SLC2A9: variants seen among roughly 807,000 people sequenced by gnomAD.
The protein encoded by SLC2A9 is solute carrier family 2, facilitated glucose transporter member 9.
In SLC2A9, 39 loss-of-function variants were observed where a neutral mutation model predicts 50.6. That is an observed-to-expected ratio of 0.77 (90% CI 0.60 to 1.01). The LOEUF is 1.01. Ranked by LOEUF, SLC2A9 falls within the 50% of genes least tolerant of loss-of-function variation. The pLI is 0.00. For missense variants in SLC2A9, 686 were observed against 677.6 expected, an observed-to-expected ratio of 1.01 and a Z score of -0.14; for synonymous variants, 324 against 276.9, an observed-to-expected ratio of 1.17 and a Z score of -1.69.
chr4:10,009,097 C>T (rs1761326908), intron 2 of SLC2A9, among the ~76,000 whole-genome samples: 1 of 152,192 alleles, frequency 6.6e-6, no homozygotes. Flanking sequence ...CCTGTAATCT[C>T]AGCCCTCTTC....
chr4:9,967,124 G>A (rs1004536846), intron 5 of SLC2A9, among the ~76,000 whole-genome samples: 6 of 152,124 alleles, frequency 3.9e-5, no homozygotes, highest in African/African-American at 1.4e-4. Flanking sequence ...GATTGAAATT[G>A]TATTGAATGA....
At position 9,879,556 on chromosome 4, in the gene SLC2A9, G is replaced by T. The variant is rs994942253; in HGVS notation, c.1291+8011C>A. ...ACGCCCCTGCAGTCTTTCCAGAGGG[G>T]TCCTTTTTCCAAGCAAGGTATGTGC... On this transcript the variant is annotated intron_variant, in intron 10 of 11. Transcript: ENST00000264784. 5 of 985,250 alleles carry T rather than the reference G, an allele frequency of 5.1e-6. No individual in the cohort carries two copies. The African/African-American group carries it at 5.2e-5, about 10-fold the overall frequency. The allele number at this position is 985,250 out of a possible 1,614,324, so 61.0% of individuals were successfully genotyped here.
chr4:10,033,318 C>T (rs918658775), intron 1 of SLC2A9, among the ~76,000 whole-genome samples: 9 of 152,142 alleles, frequency 5.9e-5, no homozygotes, highest in African/African-American at 2.2e-4. Flanking sequence ...ATTGGAGGCT[C>T]ATCTATCTAC....
intron 8 of SLC2A9, among the ~76,000 whole-genome samples, chr4:9,907,331 G>A (rs192065305): frequency 1.2e-4 from 19 of 152,290 alleles, no homozygotes; most frequent in East Asian, 7.7e-4. Context: ...AAGAAGTGCC[G>A]GAGCCAGGAT....
chr4:9,945,325 G>T (rs2108799780), intron 5 of SLC2A9, among the ~76,000 whole-genome samples: 1 of 152,344 alleles, frequency 6.6e-6, no homozygotes, highest in Non-Finnish European at 1.5e-5. Context: ...GAGGATTTCT[G>T]TTGGGAGGAT....
At chr4:9,908,415 T>C in intron 7 of SLC2A9, 70 bp from the exon 8 acceptor site, 1 of 1,157,364 alleles carries the variant, frequency 8.6e-7, no homozygotes, top group Non-Finnish European at 1.3e-6. Flanking sequence ...CTAAATCAAA[T>C]TTGGGTATCA....
At chr4:9,911,270 T>G (rs1741732209) in intron 7 of SLC2A9, among the ~76,000 whole-genome samples, 2 of 152,150 alleles carry the variant, frequency 1.3e-5, no homozygotes, top group South Asian at 4.1e-4. Context: ...CCTGCCGGGC[T>G]GGCCCTGTCT....
chr4:9,894,967 T>A (rs944399122), intron 8 of SLC2A9, among the ~76,000 whole-genome samples: 1 of 152,228 alleles, frequency 6.6e-6, no homozygotes, highest in African/African-American at 2.4e-5. Context: ...AAGCTTATCA[T>A]GTGTTACATT....
At chr4:10,036,488 C>T (rs10012779) in intron 1 of SLC2A9, among the ~76,000 whole-genome samples, 21,897 of 152,216 alleles carry the variant, frequency 0.14, 2,777 homozygotes, top group African/African-American at 0.34. Flanking sequence ...TGGGTGTTTA[C>T]GCTACACACA....
In SLC2A9 at chr4:9,909,807, C is replaced by G. The variant is rs1283152389; in HGVS notation, c.1003-1462G>C. Among the ~76,000 whole-genome samples the G allele has an allele frequency of 2.0e-5, 3 of 152,222 alleles. No individual in the cohort carries two copies. In the South Asian group the frequency reaches 6.2e-4, roughly 32 times the overall value. Reference sequence around the variant, plus strand: ...TGATGAATTCTGATGGGGACACCCCCTGCATTAAAGGACCTTATGAACATT... The same window carrying G: ...TGATGAATTCTGATGGGGACACCCCGTGCATTAAAGGACCTTATGAACATT... On this transcript the variant is annotated intron_variant, in intron 7 of 11. Transcript: ENST00000264784.
In SLC2A9 at chr4:9,903,783, ATATT is replaced by A. The variant is rs541576351; in HGVS notation, c.1113+4448_1113+4451del. ...CATATGTAACTGTATATATATAAAT[ATATT>A]TATTGCCTTCTTTTCAAATATATTT... On this transcript the variant is annotated intron_variant, in intron 8 of 11. Coordinates refer to ENST00000264784, the MANE Select transcript of SLC2A9 (RefSeq NM_020041.3). Among the ~76,000 whole-genome samples the A allele has an allele frequency of 3.0e-3, 441 of 148,840 alleles. 3 individuals are homozygous for A. The highest frequency in any genetic ancestry group is 0.018 in the South Asian group (86 of 4,776).
chr4:9,876,523 G>A (rs1425435905), intron 10 of SLC2A9, among the ~76,000 whole-genome samples: 1 of 152,126 alleles, frequency 6.6e-6, no homozygotes, highest in Non-Finnish European at 1.5e-5. Flanking sequence ...TCCAGGAGGT[G>A]GAGGCTGCAG....
chr4:9,830,379 A>T (rs1725893776), intron 11 of SLC2A9, among the ~76,000 whole-genome samples: 1 of 152,124 alleles, frequency 6.6e-6, no homozygotes, highest in South Asian at 2.1e-4. Flanking sequence ...GTGGAGGGAG[A>T]GTGTTAGGAA....
intron 10 of SLC2A9, among the ~76,000 whole-genome samples, chr4:9,853,480 T>C (rs1358539562): frequency 6.6e-6 from 1 of 152,170 alleles, no homozygotes; most frequent in Non-Finnish European, 1.5e-5. Flanking sequence ...GTACCCAACA[T>C]GGAGTACCCA....
At chr4:9,825,105 C>G (rs117535295), downstream of SLC2A9, among the ~76,000 whole-genome samples, 104 of 152,340 alleles carry the variant, frequency 6.8e-4, no homozygotes, top group East Asian at 5.6e-3. Flanking sequence ...TCTGGCCCCA[C>G]TCCTATGAGA....
intron 8 of SLC2A9, among the ~76,000 whole-genome samples, chr4:9,905,538 T>A (rs1476659518): frequency 3.9e-5 from 6 of 152,184 alleles, no homozygotes. Context: ...GACTCTTCCT[T>A]CCCTTCCAGG....
At chr4:10,013,757 G>A (rs867503284) in intron 2 of SLC2A9, among the ~76,000 whole-genome samples, 1 of 152,208 alleles carries the variant, frequency 6.6e-6, no homozygotes, top group Non-Finnish European at 1.5e-5. Context: ...TGTTCTAACA[G>A]TGCAAGCTGC....
intron 3 of SLC2A9, among the ~76,000 whole-genome samples, chr4:9,805,031 C>A (rs1055198451): frequency 1.2e-4 from 19 of 152,296 alleles, no homozygotes; most frequent in Middle Eastern, 6.8e-3. Flanking sequence ...AGAGACTCTG[C>A]CTGAAGTAGA....
At chr4:9,861,655 C>G (rs1731675917) in intron 10 of SLC2A9, among the ~76,000 whole-genome samples, 1 of 151,982 alleles carries the variant, frequency 6.6e-6, no homozygotes, top group African/African-American at 2.4e-5. Context: ...GCATATGGGG[C>G]CTCTATACCA....
Sources: allele counts gnomAD v4.1 joint callset (sites outside exome capture counted in the v4.1 genomes callset), GRCh38; gene constraint gnomAD v4.1.1; transcripts MANE v1.5; gene names NCBI Gene and HGNC (gene_info 2026-07-23, HGNC 2026-07-21).